The following HSF2BP variants were observed in gnomAD, a reference collection of about 807,000 sequenced individuals.
HSF2BP encodes the protein heat shock transcription factor 2 binding protein, also known as heat shock factor 2-binding protein.
In HSF2BP, 35 loss-of-function variants were observed where a neutral mutation model predicts 35.0. The observed-to-expected ratio is 1.00, with a 90% CI of 0.76 to 1.32. HSF2BP has a LOEUF of 1.32. Ranked by LOEUF, HSF2BP falls within the 40% of genes most tolerant of loss-of-function variation. The pLI is 0.00. For missense variants in HSF2BP, 326 were observed against 321.7 expected, an observed-to-expected ratio of 1.01 and a Z score of -0.10; for synonymous variants, 114 against 117.4, an observed-to-expected ratio of 0.97 and a Z score of 0.18.
In HSF2BP at chr21:43,653,065, GC is replaced by G. The variant is rs1322652330; in HGVS notation, c.187+3521del. On this transcript the variant is annotated intron_variant, in intron 3 of 8. Transcript: ENST00000291560. ...CAAGAGAATCGCTTGAACCCAGGGG[GC>G]AGAGGTTGCAGGGTTGCAGTGAGCT... 2.6e-5 allele frequency among the ~76,000 whole-genome samples: 4 copies of G among 152,108 alleles called. No homozygotes were observed. In the East Asian group the frequency reaches 5.8e-4, roughly 22 times the overall value.
intron 6 of HSF2BP, among the ~76,000 whole-genome samples, chr21:43,628,942 CT>C (rs2082421296): frequency 6.6e-6 from 1 of 152,172 alleles, no homozygotes; most frequent in Admixed American, 6.5e-5. Flanking sequence ...GCATGGTTTA[CT>C]GAATATTTTC....
intron 8 of HSF2BP, among the ~76,000 whole-genome samples, chr21:43,579,776 C>T (rs1034525317): frequency 6.6e-6 from 1 of 152,240 alleles, no homozygotes; most frequent in African/African-American, 2.4e-5. Context: ...TGAGTTCCGA[C>T]TCTAACAGCC....
At chr21:43,610,251 A>C (rs2082186530) in intron 7 of HSF2BP, among the ~76,000 whole-genome samples, 1 of 152,130 alleles carries the variant, frequency 6.6e-6, no homozygotes, top group South Asian at 2.1e-4. Flanking sequence ...ATCTGAAGGA[A>C]GGGAGAGAAG....
At chr21:43,644,968 TCAA>T (rs1436725562) in intron 3 of HSF2BP, among the ~76,000 whole-genome samples, 3 of 151,922 alleles carry the variant, frequency 2.0e-5, no homozygotes, top group Admixed American at 2.0e-4. Flanking sequence ...AGTTGATGAG[TCAA>T]CAACAGCCAA....
At chr21:43,637,014 C>T (rs1207520442) in intron 4 of HSF2BP, among the ~76,000 whole-genome samples, 1 of 151,440 alleles carries the variant, frequency 6.6e-6, no homozygotes, top group African/African-American at 2.4e-5. Flanking sequence ...ACAGGACGAG[C>T]GAAGTGGCTC....
chr21:43,657,072 T>C (rs1272034061), intron 2 of HSF2BP, among the ~76,000 whole-genome samples: 1 of 152,014 alleles, frequency 6.6e-6, no homozygotes, highest in Non-Finnish European at 1.5e-5. Context: ...TACAAAAATA[T>C]GAAAACGTGC....
chr21:43,580,391 T>C (rs2081709446), intron 8 of HSF2BP, among the ~76,000 whole-genome samples: 1 of 152,226 alleles, frequency 6.6e-6, no homozygotes, highest in African/African-American at 2.4e-5. Flanking sequence ...CAAATGTTTT[T>C]TGACATCCTT....
At chr21:43,647,706 G>C (rs1346561856) in intron 3 of HSF2BP, among the ~76,000 whole-genome samples, 1 of 151,820 alleles carries the variant, frequency 6.6e-6, no homozygotes. Flanking sequence ...TTTATCACCT[G>C]GTATGTGAGG....
At chr21:43,629,840 T>C (rs1307449198) in intron 6 of HSF2BP, among the ~76,000 whole-genome samples, 1 of 152,238 alleles carries the variant, frequency 6.6e-6, no homozygotes, top group Non-Finnish European at 1.5e-5. Context: ...GCAGTAAGGT[T>C]TGAGAGGGCT....
At chr21:43,626,549 A>G (rs1156628007) in intron 6 of HSF2BP, among the ~76,000 whole-genome samples, 1 of 152,224 alleles carries the variant, frequency 6.6e-6, no homozygotes, top group African/African-American at 2.4e-5. Flanking sequence ...GAATGTAGCA[A>G]TCTATAAACA....
rs1472617492 is a variant in HSF2BP at position 43,654,063 on chromosome 21, TTC to T, written c.187+2522_187+2523del. ...CGAGAAAGCAAAAGTCTGTCCTGAC[TTC>T]TGTCAGGCTGGAATAACAAACACAG... On this transcript the variant is annotated intron_variant, in intron 3 of 8. Transcript: ENST00000291560. Among the ~76,000 whole-genome samples, 3 of 151,580 alleles carry T rather than the reference TTC, an allele frequency of 2.0e-5. No individual in the cohort carries two copies. The East Asian group carries it at 5.8e-4, about 29-fold the overall frequency.
intron 5 of HSF2BP, 127 bp downstream of exon 5, chr21:43,633,145 G>C (rs2082504505): frequency 4.2e-6 from 4 of 960,286 alleles, no homozygotes; most frequent in South Asian, 1.9e-5. Flanking sequence ...TCAATAACTA[G>C]CTGATGAGTG....
chr21:43,654,538 TG>T (rs2147127744), intron 3 of HSF2BP, among the ~76,000 whole-genome samples: 1 of 152,306 alleles, frequency 6.6e-6, no homozygotes, highest in East Asian at 1.9e-4. Flanking sequence ...TTTGTTGACA[TG>T]CCCCACAGTT....
At chr21:43,657,778 A>C (rs2082895425) in intron 2 of HSF2BP, 2 of 918,606 alleles carry the variant, frequency 2.2e-6, no homozygotes, top group Admixed American at 1.2e-4. Context: ...GAAGAGAGTG[A>C]CCATCCATCC....
At chr21:43,603,876 C>T (rs1404426353) in intron 7 of HSF2BP, among the ~76,000 whole-genome samples, 1 of 152,116 alleles carries the variant, frequency 6.6e-6, no homozygotes, top group African/African-American at 2.4e-5. Flanking sequence ...CATGTACAAC[C>T]CTATGAATGT....
chr21:43,601,404 GT>G (rs1296138376), intron 7 of HSF2BP, among the ~76,000 whole-genome samples: 1 of 152,168 alleles, frequency 6.6e-6, no homozygotes, highest in Admixed American at 6.5e-5. Context: ...TCTTTCCCAT[GT>G]TTATGAAGCT....
rs1157689406 is a variant in HSF2BP, at chr21:43,597,709, G to T, written c.693-5381C>A. On this transcript the variant is annotated intron_variant, in intron 7 of 8. Transcript: ENST00000291560. The surrounding 1 kb of genome is among the most constrained non-coding windows in gnomAD (Gnocchi z 4.3). ...CTTATTTTTTAATTTTTTGTATGAGGTCTTGCCATCTTGCCAAGGCTGGTC... is the reference window on the plus strand; with the variant it reads ...CTTATTTTTTAATTTTTTGTATGAGTTCTTGCCATCTTGCCAAGGCTGGTC... 6.6e-6 allele frequency among the ~76,000 whole-genome samples: 1 copy of T among 151,892 alleles called. No homozygotes were observed. The highest frequency in any genetic ancestry group is 1.5e-5 in the Non-Finnish European group (1 of 67,968).
chr21:43,576,491 C>T (rs1021948052), intron 8 of HSF2BP, among the ~76,000 whole-genome samples: 2 of 152,336 alleles, frequency 1.3e-5, no homozygotes, highest in South Asian at 2.1e-4. Context: ...CACAAGTCAA[C>T]GTGCTATATT....
intron 8 of HSF2BP, among the ~76,000 whole-genome samples, chr21:43,589,332 C>G (rs2081897206): frequency 1.3e-5 from 2 of 152,142 alleles, no homozygotes; most frequent in Admixed American, 6.5e-5. Context: ...CATGAAGAAA[C>G]AGGAGTGACC....
Sources: allele counts gnomAD v4.1 joint callset (sites outside exome capture counted in the v4.1 genomes callset), GRCh38; gene constraint gnomAD v4.1.1; non-coding constraint Gnocchi (gnomAD v3.1); transcripts MANE v1.5; gene names NCBI Gene and HGNC (gene_info 2026-07-23, HGNC 2026-07-21).